The following ARSH variants were observed in gnomAD, a reference collection of about 807,000 sequenced individuals.
ARSH encodes the protein arylsulfatase family member H.
ARSH carries 32 observed loss-of-function variants against 28.7 expected under a neutral mutation model. The observed-to-expected ratio is 1.11, with a 90% CI of 0.84 to 1.50. ARSH has a LOEUF of 1.50. ARSH is among the 40% of genes most tolerant of loss of function. The probability of loss-of-function intolerance (pLI) is 0.00; values close to 1 mark genes in which losing one functional copy is unlikely to be tolerated. For missense variants in ARSH, 440 were observed against 452.4 expected (o/e 0.97, Z 0.25); for synonymous variants, 176 against 177.3 (o/e 0.99, Z 0.06).
chrX:3,018,036 G>A (rs759266070), intron 4 of ARSH, among the ~76,000 whole-genome samples: 16 of 112,374 alleles, frequency 1.4e-4, no homozygotes, highest in South Asian at 1.1e-3. Context: ...GTCTCACTGC[G>A]TTGCCCAGGC....
At chrX:3,007,093 A>G (rs186101558) in intron 1 of ARSH, among the ~76,000 whole-genome samples, 2 of 109,274 alleles carry the variant, frequency 1.8e-5, no homozygotes, top group Admixed American at 2.0e-4. Flanking sequence ...ATAATAAAAA[A>G]AAAAATCTAC....
intron 5 of ARSH, among the ~76,000 whole-genome samples, chrX:3,023,244 A>G (rs997739538): frequency 6.5e-4 from 68 of 104,775 alleles, no homozygotes; most frequent in Non-Finnish European, 1.2e-3. Flanking sequence ...AAAATAATAT[A>G]GTATATATTT....
intron 1 of ARSH, among the ~76,000 whole-genome samples, chrX:3,008,725 G>GT (rs58429443): frequency 4.8e-4 from 35 of 72,992 alleles, no homozygotes; most frequent in African/African-American, 1.8e-3. Context: ...AATTTTTGTG[G>GT]TTTTTCTTTT....
rs748876857 is a variant in ARSH, at chrX:3,033,894, C to T, written c.*509C>T. On this transcript the variant is annotated 3_prime_UTR_variant, in exon 9 of 9. Coordinates refer to ENST00000381130, the MANE Select transcript of ARSH (RefSeq NM_001011719.2). ...CCTTCTTTTCTCTTCCTGTCCGATA[C>T]GCATCTGGTTATGAGAAAAAATGCT... is the stretch of plus-strand genomic sequence containing the variant. Among the ~76,000 whole-genome samples the T allele has an allele frequency of 4.5e-5, 5 of 111,425 alleles. No individual in the cohort carries two copies. The highest frequency in any genetic ancestry group is 7.5e-5 in the Non-Finnish European group (4 of 53,197).
At position 3,018,772 on chromosome X, in the gene ARSH, T is replaced by C. The variant is rs188412574; in HGVS notation, c.901+102T>C. ...ATTATGTCCAGCCCCTTGCATAGCA[T>C]AGATACCTGAAAAGTATCTGTTTCA... On this transcript the variant is annotated intron_variant, in intron 5 of 8. Transcript: ENST00000381130. 9.1e-5 allele frequency: 81 copies of C among 889,424 alleles called. No individual in the cohort carries two copies. In the Admixed American group the frequency reaches 9.9e-4, roughly 11 times the overall value. 73.3% of individuals were successfully genotyped at this position (889,424 alleles called of 1,213,427 possible).
At chrX:3,011,780 C>G (rs2089847211) in intron 2 of ARSH, among the ~76,000 whole-genome samples, 1 of 111,759 alleles carries the variant, frequency 8.9e-6, no homozygotes, top group African/African-American at 3.3e-5. Flanking sequence ...AACTGTTTCT[C>G]TTTCCTATCA....
At chrX:3,009,125 A>T (rs968730939) in intron 1 of ARSH, among the ~76,000 whole-genome samples, 1 of 111,484 alleles carries the variant, frequency 9.0e-6, no homozygotes, top group Non-Finnish European at 1.9e-5. Flanking sequence ...TGGGAGGATC[A>T]TTTGAAGCCA....
Position 3,013,129 on chromosome X carries a change from T to TG in ARSH, c.298dup (p.Ala100GlyfsTer28). The TG allele has an allele frequency of 8.3e-7, 1 of 1,211,160 alleles. No individual in the cohort carries two copies. The highest frequency in any genetic ancestry group is 1.1e-6 in the Non-Finnish European group (1 of 895,239). ...GTCTTCCCACCAATGAAACGACTTT[T>TG]GCCAAGCTGCTGCAGCACCGTGGCT... On this transcript the variant is annotated frameshift_variant, in exon 3 of 9. Transcript: ENST00000381130. LOFTEE classifies it high-confidence loss of function.
chrX:3,018,819 T>C, intron 5 of ARSH, 149 bp downstream of exon 5: 4 of 563,548 alleles, frequency 7.1e-6, no homozygotes, highest in Non-Finnish European at 7.9e-6. Context: ...GATTAAAAGC[T>C]GGCTTTTAAT....
chrX:3,008,509 CT>C (rs369419011), intron 1 of ARSH, among the ~76,000 whole-genome samples: 2 of 72,545 alleles, frequency 2.8e-5, no homozygotes, highest in Admixed American at 1.6e-4. Context: ...TTCTTTCTTT[CT>C]TTCTTCCCTT....
At chrX:3,012,222 T>C (rs997611042) in intron 2 of ARSH, among the ~76,000 whole-genome samples, 3 of 109,903 alleles carry the variant, frequency 2.7e-5, no homozygotes, top group African/African-American at 9.9e-5. Flanking sequence ...TATAATATTG[T>C]CCACCAGTAT....
Position 3,010,098 on chromosome X carries a change from T to C in ARSH, c.161T>C (p.Met54Thr), listed in dbSNP as rs139242532. The part of the protein sequence containing the change: ...RLTQHLAAAS[M>T]CTPSRAAFLT... ...ACCCAGCATCTCGCAGCTGCTTCCATGTGCACCCCAAGTCGGGCTGCCTTC... is the reference window on the plus strand; with the variant it reads ...ACCCAGCATCTCGCAGCTGCTTCCACGTGCACCCCAAGTCGGGCTGCCTTC... Residue 54 changes from methionine to threonine, a missense_variant, in exon 2 of 9, where the codon ATG becomes ACG. Coordinates refer to ENST00000381130, the MANE Select transcript of ARSH (RefSeq NM_001011719.2). 235 of 1,209,815 alleles carry C rather than the reference T, an allele frequency of 1.9e-4. No homozygotes were observed. Among genetic ancestry groups the C allele is most frequent in the Middle Eastern group, 2.3e-4 (1 of 4,372 alleles).
intron 5 of ARSH, among the ~76,000 whole-genome samples, chrX:3,020,900 C>G (rs1177729497): frequency 9.1e-6 from 1 of 110,398 alleles, no homozygotes; most frequent in African/African-American, 3.3e-5. Context: ...ATACTATAGT[C>G]AGATTTAATA....
intron 3 of ARSH, 47 bp from the exon 4 acceptor site, chrX:3,014,923 A>G: frequency 8.8e-7 from 1 of 1,141,587 alleles, no homozygotes; most frequent in Non-Finnish European, 1.2e-6. Flanking sequence ...ACAGACCGGC[A>G]TTGAATGCTG....
At position 3,013,170 on chromosome X, in the gene ARSH, T is replaced by C. The variant is rs1397328750; in HGVS notation, c.338T>C (p.Ile113Thr). ...CACCGTGGCTACCGCACGGGACTCATAGGTATGGCGCCGGAACTCTGCCCG... is the reference window on the plus strand; with the variant it reads ...CACCGTGGCTACCGCACGGGACTCACAGGTATGGCGCCGGAACTCTGCCCG... ...LQHRGYRTGLIGKWHLGLSCA... is the reference protein window; with the variant it reads ...LQHRGYRTGLTGKWHLGLSCA... Residue 113 changes from isoleucine (I) to threonine (T), a missense_variant and splice_region_variant, in exon 3 of 9, where the codon ATA (isoleucine) becomes ACA (threonine). Ile to Thr is a moderately conservative substitution (Grantham distance 89). Transcript: ENST00000381130. 1.7e-6 allele frequency: 2 copies of C among 1,204,772 alleles called. No homozygotes were observed. Among genetic ancestry groups the C allele is most frequent in the Admixed American group, 2.2e-5 (1 of 45,068 alleles).
intron 8 of ARSH, among the ~76,000 whole-genome samples, chrX:3,030,769 G>A (rs901526262): frequency 6.3e-5 from 7 of 111,327 alleles, no homozygotes; most frequent in African/African-American, 2.3e-4. Flanking sequence ...TTAGGGTGGG[G>A]ACAGAGCCAA....
chrX:3,020,433 G>A lies in ARSH; in HGVS notation c.901+1763G>A, dbSNP rs766339795. Among the ~76,000 whole-genome samples, 707 of 104,967 alleles carry A rather than the reference G, an allele frequency of 6.7e-3. 10 individuals are homozygous for A. Among genetic ancestry groups the A allele is most frequent in the Non-Finnish European group, 0.011 (551 of 50,615 alleles). The allele number at this position is 104,967 out of a possible 115,157, so 91.2% of individuals were successfully genotyped here. A position where few individuals can be genotyped will look rare whatever the true frequency, so the allele number is the denominator to read the frequency against. ...TGAAACCCCGTCTCTACTAAAAATAGAAAAAATGAGCCGGGCGCGGTGGCG... is the reference window on the plus strand; with the variant it reads ...TGAAACCCCGTCTCTACTAAAAATAAAAAAAATGAGCCGGGCGCGGTGGCG... On this transcript the variant is annotated intron_variant, in intron 5 of 8. Transcript: ENST00000381130.
intron 7 of ARSH, among the ~76,000 whole-genome samples, chrX:3,027,734 C>A (rs919985708): frequency 6.3e-5 from 7 of 111,876 alleles, no homozygotes; most frequent in African/African-American, 2.3e-4. Flanking sequence ...GGATCTGATT[C>A]TCATACATCA....
rs1226898524 is a variant in ARSH at position 3,013,176 on chromosome X, T to G, written c.340+4T>G. 1 of 1,203,109 alleles carries G rather than the reference T, an allele frequency of 8.3e-7. No individual in the cohort carries two copies. The highest frequency in any genetic ancestry group is 2.2e-5 in the Admixed American group (1 of 44,829). ...GGCTACCGCACGGGACTCATAGGTA[T>G]GGCGCCGGAACTCTGCCCGTGGAAA... On this transcript the variant is annotated splice_donor_region_variant and intron_variant, in intron 3 of 8. Coordinates refer to ENST00000381130, the MANE Select transcript of ARSH (RefSeq NM_001011719.2).
Sources: gnomAD v4.1 joint callset for allele counts (sites outside exome capture counted in the v4.1 genomes callset) on GRCh38, gnomAD v4.1.1 for gene constraint, MANE v1.5 for transcripts, NCBI Gene and HGNC (gene_info 2026-07-23, HGNC 2026-07-21) for gene names.